CRTAC1: variants seen among roughly 807,000 people sequenced by gnomAD.
CRTAC1 encodes cartilage acidic protein 1.
A neutral mutation model predicts 67.8 loss-of-function variants in CRTAC1; 37 were observed. The observed-to-expected ratio is 0.55, with a 90% CI of 0.42 to 0.72. CRTAC1 has a LOEUF of 0.72. Ranked by LOEUF, CRTAC1 falls within the 30% of genes least tolerant of loss-of-function variation. The probability of loss-of-function intolerance (pLI) is 0.00; values close to 1 mark genes in which losing one functional copy is unlikely to be tolerated. For synonymous variants in CRTAC1, 348 were observed against 371.0 expected, an observed-to-expected ratio of 0.94 and a Z score of 0.71; for missense variants, 780 against 931.6, an observed-to-expected ratio of 0.84 and a Z score of 2.12.
chr10:97,981,461 T>C (rs2051890282), intron 2 of CRTAC1, among the ~76,000 whole-genome samples: 1 of 152,248 alleles, frequency 6.6e-6, no homozygotes, highest in African/African-American at 2.4e-5. Flanking sequence ...TTAAATATTA[T>C]TTGAAAAGAA....
At chr10:98,021,396 C>T (rs780625417) in intron 1 of CRTAC1, among the ~76,000 whole-genome samples, 4 of 152,104 alleles carry the variant, frequency 2.6e-5, no homozygotes, top group Non-Finnish European at 4.4e-5. Context: ...GACAAAACCT[C>T]GGGGGACCCA....
intron 6 of CRTAC1, among the ~76,000 whole-genome samples, 163 bp from the exon 7 acceptor site, chr10:97,904,977 G>A (rs1484946508): frequency 6.6e-6 from 1 of 152,158 alleles, no homozygotes; most frequent in Non-Finnish European, 1.5e-5. Context: ...GCTCTCTATA[G>A]GGGCAGGAAG....
At position 97,908,828 on chromosome 10, in the gene CRTAC1, C is replaced by G. The variant is rs555938479; in HGVS notation, c.716-681G>C. On this transcript the variant is annotated intron_variant, in intron 5 of 14. Coordinates refer to ENST00000370597, the MANE Select transcript of CRTAC1 (RefSeq NM_018058.7). ...CAAGTAATGGTATTGTGAGATCTTG[C>G]TTTTATTTTTTAAAATAGGAAAATA... Among the ~76,000 whole-genome samples the G allele has an allele frequency of 1.2e-4, 18 of 152,250 alleles. No individual in the cohort carries two copies. The South Asian group carries it at 3.7e-3, about 32-fold the overall frequency.
At chr10:97,875,388 T>C (rs2050135543) in intron 14 of CRTAC1, among the ~76,000 whole-genome samples, 1 of 152,234 alleles carries the variant, frequency 6.6e-6, no homozygotes, top group African/African-American at 2.4e-5. Flanking sequence ...TTGCGTCTCA[T>C]TTTCCCTCTG....
intron 3 of CRTAC1, among the ~76,000 whole-genome samples, chr10:97,927,827 A>C (rs2050944534): frequency 6.6e-6 from 1 of 152,186 alleles, no homozygotes; most frequent in African/African-American, 2.4e-5. Context: ...TGTGTCAGGA[A>C]GACAGATAAA....
intron 3 of CRTAC1, among the ~76,000 whole-genome samples, chr10:97,934,641 G>A (rs1468992910): frequency 6.6e-6 from 1 of 152,292 alleles, no homozygotes; most frequent in Non-Finnish European, 1.5e-5. Context: ...AGGGTGGGGA[G>A]CGGAGCACAA....
At chr10:97,872,466 G>A (rs1299402853) in intron 14 of CRTAC1, among the ~76,000 whole-genome samples, 2 of 152,170 alleles carry the variant, frequency 1.3e-5, no homozygotes, top group Non-Finnish European at 2.9e-5. Context: ...GGGAGAGGAG[G>A]GGAGGAAGCG....
chr10:97,930,733 T>C (rs1350915637), intron 3 of CRTAC1, among the ~76,000 whole-genome samples: 1 of 152,254 alleles, frequency 6.6e-6, no homozygotes, highest in East Asian at 1.9e-4. Context: ...AGGCTGGAAG[T>C]ACCACCCATC....
At chr10:97,892,285 T>A (rs1036009661) in intron 11 of CRTAC1, among the ~76,000 whole-genome samples, 1 of 152,170 alleles carries the variant, frequency 6.6e-6, no homozygotes, top group Non-Finnish European at 1.5e-5. Context: ...GCCCCTGAGA[T>A]GTGGGGAAGG....
rs565586476 is a variant in CRTAC1, at chr10:97,869,130, C to G, written c.1820-3416G>C. ...TTAACAGCTTGAGGGCCTCAGCCGTCCTGGGATTAGGATCAGGCAGATTCC... is the reference window on the plus strand; with the variant it reads ...TTAACAGCTTGAGGGCCTCAGCCGTGCTGGGATTAGGATCAGGCAGATTCC... On this transcript the variant is annotated intron_variant, in intron 14 of 14. Transcript: ENST00000370597. The G allele has an allele frequency of 7.9e-5, 12 of 152,364 alleles. No homozygotes were observed. The South Asian group carries it at 8.3e-4, about 11-fold the overall frequency. 9.4% of individuals were successfully genotyped at this position (152,364 alleles called of 1,614,324 possible). A position where few individuals can be genotyped will look rare whatever the true frequency, so the allele number is the denominator to read the frequency against.
rs1371049131 is a variant in CRTAC1 at position 98,029,891 on chromosome 10, G to C, written c.24+558C>G. 1.3e-5 allele frequency among the ~76,000 whole-genome samples: 2 copies of C among 152,152 alleles called. No individual in the cohort carries two copies. Among genetic ancestry groups the C allele is most frequent in the Non-Finnish European group, 2.9e-5 (2 of 68,018 alleles). On this transcript the variant is annotated intron_variant, in intron 1 of 14. Coordinates refer to ENST00000370597, the MANE Select transcript of CRTAC1 (RefSeq NM_018058.7). This position sits in a 1 kb window ranked among gnomAD's most constrained non-coding sequence, Gnocchi z 4.7. ...ATAAGGCGGCTAGCAGCTACGCCGC[G>C]CGCGGGGCTGGCTCCCGGAGCTCTC...
intron 6 of CRTAC1, among the ~76,000 whole-genome samples, chr10:97,906,937 T>C (rs1590199081): frequency 6.6e-6 from 1 of 152,252 alleles, no homozygotes; most frequent in East Asian, 1.9e-4. Context: ...TTGATCTCTG[T>C]GTCTAGATCC....
intron 2 of CRTAC1, among the ~76,000 whole-genome samples, chr10:97,958,683 A>G (rs1451231833): frequency 6.6e-6 from 1 of 152,144 alleles, no homozygotes; most frequent in Non-Finnish European, 1.5e-5. Flanking sequence ...CTTGATAGGA[A>G]AAGGAAAGGG....
intron 2 of CRTAC1, among the ~76,000 whole-genome samples, chr10:97,950,252 G>GAGAC (rs1291262511): frequency 8.7e-5 from 12 of 138,202 alleles, no homozygotes; most frequent in African/African-American, 3.1e-4. Context: ...CACACAGAGA[G>GAGAC]AGAGAGAGAG....
chr10:97,942,337 G>T (rs2136621457), intron 2 of CRTAC1, among the ~76,000 whole-genome samples: 1 of 152,298 alleles, frequency 6.6e-6, no homozygotes, highest in South Asian at 2.1e-4. Context: ...GGTACAAAGA[G>T]CTGAACAAAA....
At chr10:97,880,603 C>T (rs905885551) in intron 13 of CRTAC1, among the ~76,000 whole-genome samples, 6 of 152,166 alleles carry the variant, frequency 3.9e-5, no homozygotes, top group African/African-American at 1.4e-4. Flanking sequence ...GTCCTGGGTC[C>T]TCTCTTCTGT....
chr10:98,024,012 T>G (rs1487383947), intron 1 of CRTAC1, among the ~76,000 whole-genome samples: 1 of 152,208 alleles, frequency 6.6e-6, no homozygotes, highest in Non-Finnish European at 1.5e-5. Flanking sequence ...CTAAGAGCTG[T>G]GTTAAAATTT....
At chr10:97,866,449 A>G (rs2050026133) in intron 14 of CRTAC1, 1 of 152,272 alleles carries the variant, frequency 6.6e-6, no homozygotes, top group Non-Finnish European at 1.5e-5. Context: ...GTGAAGAGAC[A>G]TAGCCATGCG....
chr10:97,925,821 C>T (rs987968404), intron 3 of CRTAC1, among the ~76,000 whole-genome samples: 2 of 152,028 alleles, frequency 1.3e-5, no homozygotes, highest in African/African-American at 4.8e-5. Context: ...AGCGGATGAG[C>T]GTGAGTACTT....
Sources: allele counts gnomAD v4.1 joint callset (sites outside exome capture counted in the v4.1 genomes callset), GRCh38; gene constraint gnomAD v4.1.1; non-coding constraint Gnocchi (gnomAD v3.1); transcripts MANE v1.5; gene names NCBI Gene and HGNC (gene_info 2026-07-23, HGNC 2026-07-21).